Variants in LIPC observed in about 807,000 individuals in gnomAD.
The protein encoded by LIPC is hepatic triacylglycerol lipase.
LIPC carries 44 observed loss-of-function variants against 50.7 expected under a neutral mutation model. That is an observed-to-expected ratio of 0.87 (90% confidence interval 0.68 to 1.11). The LOEUF is 1.11. Ranked by LOEUF, LIPC falls within the 50% of genes most tolerant of loss-of-function variation. LIPC has a pLI of 0.00. For synonymous variants in LIPC, 271 were observed against 256.4 expected (o/e 1.06, Z -0.54); for missense variants, 697 against 648.2 (o/e 1.08, Z -0.82).
chr15:58,509,673 C>A (rs904906390), intron 1 of LIPC, among the ~76,000 whole-genome samples: 1 of 152,126 alleles, frequency 6.6e-6, no homozygotes, highest in Non-Finnish European at 1.5e-5. Context: ...TCTCTGTATA[C>A]GCAGTGTTTT....
intron 1 of LIPC, among the ~76,000 whole-genome samples, chr15:58,477,338 GACC>G (rs1304607493): frequency 6.6e-6 from 1 of 152,216 alleles, no homozygotes; most frequent in Non-Finnish European, 1.5e-5. Flanking sequence ...GCCGAGCTGA[GACC>G]ACCACAGTTC....
At chr15:58,504,220 G>T (rs1447075364) in intron 1 of LIPC, among the ~76,000 whole-genome samples, 14 of 152,142 alleles carry the variant, frequency 9.2e-5, no homozygotes, top group African/African-American at 3.4e-4. Flanking sequence ...CTTGATGGTG[G>T]GGTCATTCCA....
At chr15:58,486,198 T>C (rs1891370791) in intron 1 of LIPC, among the ~76,000 whole-genome samples, 1 of 152,064 alleles carries the variant, frequency 6.6e-6, no homozygotes, top group South Asian at 2.1e-4. Flanking sequence ...TTCCTCCTCC[T>C]CTCTTATCTG....
chr15:58,502,485 G>T (rs1892016818), intron 1 of LIPC, among the ~76,000 whole-genome samples: 1 of 148,890 alleles, frequency 6.7e-6, no homozygotes, highest in South Asian at 2.2e-4. Context: ...TGCAAATTTT[G>T]CATTGAATTC....
chr15:58,517,258 T>C (rs1233790926), intron 1 of LIPC, among the ~76,000 whole-genome samples: 1 of 152,240 alleles, frequency 6.6e-6, no homozygotes, highest in Admixed American at 6.5e-5. Flanking sequence ...GTTGTTTTGG[T>C]GCCAGCTTGC....
Position 58,520,674 on chromosome 15 carries a change from G to A in LIPC, c.89-17659G>A, listed in dbSNP as rs147265665. 2.7e-3 allele frequency among the ~76,000 whole-genome samples: 413 copies of A among 152,312 alleles called. 10 individuals are homozygous for A. The highest frequency in any genetic ancestry group is 0.019 in the Admixed American group (298 of 15,302). On this transcript the variant is annotated intron_variant, in intron 1 of 8. Coordinates refer to ENST00000299022, the MANE Select transcript of LIPC (RefSeq NM_000236.3). ...AGCTTGCTTCAAAGTAATTGAGGTT[G>A]AGAGCCGCTGTATACCATCTGCCCC...
At chr15:58,513,662 T>C (rs1479575346) in intron 1 of LIPC, among the ~76,000 whole-genome samples, 2 of 152,234 alleles carry the variant, frequency 1.3e-5, no homozygotes, top group Middle Eastern at 3.4e-3. Flanking sequence ...TACTTAAACT[T>C]TTAGCACGTC....
chr15:58,439,383 G>C (rs1320179221), intron 1 of LIPC, among the ~76,000 whole-genome samples: 1 of 152,186 alleles, frequency 6.6e-6, no homozygotes, highest in Non-Finnish European at 1.5e-5. Flanking sequence ...AAAGGAGTTT[G>C]ACTAGATCAG....
intron 5 of LIPC, among the ~76,000 whole-genome samples, chr15:58,547,335 C>A (rs904390399): frequency 4.6e-5 from 7 of 152,178 alleles, no homozygotes. Context: ...CTTGGAAGCT[C>A]AGTTTTCTCG....
At chr15:58,537,705 T>C (rs570446605) in intron 1 of LIPC, among the ~76,000 whole-genome samples, 1 of 152,138 alleles carries the variant, frequency 6.6e-6, no homozygotes, top group East Asian at 1.9e-4. Flanking sequence ...AGGGTCAACA[T>C]CACATTCCCT....
intron 1 of LIPC, among the ~76,000 whole-genome samples, chr15:58,471,218 C>A (rs113459426): frequency 1.4e-5 from 2 of 145,426 alleles, no homozygotes; most frequent in African/African-American, 2.6e-5. Context: ...TTCACTGCAA[C>A]CTCTACCTCC....
chr15:58,463,271 G>C (rs1375542349), intron 1 of LIPC, among the ~76,000 whole-genome samples: 1 of 152,228 alleles, frequency 6.6e-6, no homozygotes, highest in Non-Finnish European at 1.5e-5. Context: ...GGCCACTTGC[G>C]TAGAGCAAAG....
intron 4 of LIPC, 102 bp from the exon 5 acceptor site, chr15:58,545,640 C>T: frequency 3.1e-6 from 3 of 983,510 alleles, no homozygotes; most frequent in Non-Finnish European, 4.7e-6. Flanking sequence ...TTTCTTCTTC[C>T]TGCTAGTTCA....
chr15:58,559,696 C>G lies in LIPC; in HGVS notation c.1052-1168C>G, dbSNP rs1424349579. On this transcript the variant is annotated intron_variant, in intron 6 of 8. Coordinates refer to ENST00000299022, the MANE Select transcript of LIPC (RefSeq NM_000236.3). ...CAAGCCTCAGTGACAGAGAGAGACC[C>G]TGTCTCAAAAAAAAAAAAAAAAAAA... Among the ~76,000 whole-genome samples the G allele has an allele frequency of 4.0e-5, 3 of 75,288 alleles. No homozygotes were observed. In the East Asian group the frequency reaches 1.1e-3, roughly 27 times the overall value. 49.4% of individuals were successfully genotyped at this position (75,288 alleles called of 152,430 possible). A position where few individuals can be genotyped will look rare whatever the true frequency, so the allele number is the denominator to read the frequency against.
chr15:58,501,205 G>A (rs916718772), intron 1 of LIPC, among the ~76,000 whole-genome samples: 1 of 151,998 alleles, frequency 6.6e-6, no homozygotes, highest in African/African-American at 2.4e-5. Context: ...TCTCCTCCCA[G>A]AACATTGCAG....
rs79715461 is a variant in LIPC at position 58,507,757 on chromosome 15, G to A, written c.89-30576G>A. ...CTGAAAACTCACAGAAGACAGATTA[G>A]TAGAAGAAAAGGCATACGAATTTAT... is the stretch of plus-strand genomic sequence containing the variant. On this transcript the variant is annotated intron_variant, in intron 1 of 8. Transcript: ENST00000299022. Among the ~76,000 whole-genome samples, 126 of 152,322 alleles carry A rather than the reference G, an allele frequency of 8.3e-4. 2 individuals carry two copies. The East Asian group carries it at 0.02, about 24-fold the overall frequency.
intron 1 of LIPC, among the ~76,000 whole-genome samples, chr15:58,461,602 G>T (rs1489528137): frequency 1.3e-5 from 2 of 149,810 alleles, no homozygotes; most frequent in Non-Finnish European, 3.0e-5. Context: ...TTTTTTAGTA[G>T]ATATGGAGTT....
intron 1 of LIPC, among the ~76,000 whole-genome samples, chr15:58,505,605 T>G (rs575018221): frequency 4.2e-4 from 64 of 152,304 alleles, no homozygotes; most frequent in Non-Finnish European, 6.3e-4. Context: ...CTCTCTTTAT[T>G]GTACCAAGAT....
At chr15:58,559,702 C>CATAAAA in intron 6 of LIPC, among the ~76,000 whole-genome samples, 1 of 11,506 alleles carries the variant, frequency 8.7e-5, no homozygotes. Flanking sequence ...GACCCTGTCT[C>CATAAAA]AAAAAAAAAA....
Sources: gnomAD v4.1 joint callset for allele counts (sites outside exome capture counted in the v4.1 genomes callset) on GRCh38, gnomAD v4.1.1 for gene constraint, MANE v1.5 for transcripts, NCBI Gene and HGNC (gene_info 2026-07-23, HGNC 2026-07-21) for gene names.